TMCC1: variants seen among roughly 807,000 people sequenced by gnomAD.
TMCC1 encodes transmembrane and coiled-coil domains protein 1.
Under a neutral mutation model 52.4 loss-of-function variants are expected in TMCC1, and 15 were observed. The ratio of observed to expected loss-of-function variants is 0.29; its 90% confidence interval spans 0.19 to 0.44. The LOEUF (loss-of-function observed/expected upper bound fraction) is 0.44. TMCC1 is among the 20% of genes least tolerant of loss of function. The pLI is 1.00. For synonymous variants in TMCC1, 279 were observed against 301.9 expected, an observed-to-expected ratio of 0.92 and a Z score of 0.79; for missense variants, 503 against 806.0, an observed-to-expected ratio of 0.62 and a Z score of 4.55.
intron 4 of TMCC1, among the ~76,000 whole-genome samples, chr3:129,790,561 C>T (rs1216678941): frequency 6.6e-6 from 1 of 152,054 alleles, no homozygotes; most frequent in African/African-American, 2.4e-5. Flanking sequence ...GTTCCCCTAC[C>T]CTTTATCATA....
At chr3:129,873,046 A>AC (rs914296128) in intron 2 of TMCC1, among the ~76,000 whole-genome samples, 3 of 151,030 alleles carry the variant, frequency 2.0e-5, no homozygotes, top group Non-Finnish European at 2.9e-5. Flanking sequence ...GATTACAGGC[A>AC]CCCCCCACCA....
At chr3:129,714,178 CAA>C (rs1415165087) in intron 4 of TMCC1, among the ~76,000 whole-genome samples, 1 of 152,164 alleles carries the variant, frequency 6.6e-6, no homozygotes, top group African/African-American at 2.4e-5. Flanking sequence ...GGCATGAAAA[CAA>C]ATTCTTTCCA....
At chr3:129,714,124 G>C (rs753641505) in intron 4 of TMCC1, among the ~76,000 whole-genome samples, 76 of 152,178 alleles carry the variant, frequency 5.0e-4, no homozygotes, top group Non-Finnish European at 2.1e-4. Context: ...CTTTGGGGAG[G>C]GGGTGAGGGA....
At chr3:129,706,858 C>T (rs993565560) in intron 4 of TMCC1, among the ~76,000 whole-genome samples, 2 of 151,960 alleles carry the variant, frequency 1.3e-5, no homozygotes, top group Admixed American at 6.6e-5. Flanking sequence ...AGTGCAATGG[C>T]TATTCACAGG....
intron 4 of TMCC1, among the ~76,000 whole-genome samples, chr3:129,827,354 C>T (rs784688): frequency 0.87 from 131,882 of 152,248 alleles, 57,812 homozygotes; most frequent in East Asian, 1. Flanking sequence ...TGCTGATGTA[C>T]TACAAAGTAT....
rs149695774 is a variant in TMCC1, at chr3:129,826,335, C to T, written c.576+1468G>A. 1.2e-3 allele frequency among the ~76,000 whole-genome samples: 156 copies of T among 134,484 alleles called. 1 individual carries two copies. The East Asian group carries it at 0.035, about 30-fold the overall frequency. 88.2% of individuals were successfully genotyped at this position (134,484 alleles called of 152,430 possible). A position where few individuals can be genotyped will look rare whatever the true frequency, so the allele number is the denominator to read the frequency against. On this transcript the variant is annotated intron_variant, in intron 4 of 6. Transcript: ENST00000393238. ...TGGGCAACAAGGCAAAATCTCCTCT[C>T]TACAAAAAAAAAAAAAAAAAAATTG... is the stretch of plus-strand genomic sequence containing the variant.
rs1366169520 is a variant in TMCC1 at position 129,804,699 on chromosome 3, A to G, written c.576+23104T>C. Among the ~76,000 whole-genome samples the G allele has an allele frequency of 2.6e-5, 4 of 152,240 alleles. No homozygotes were observed. The East Asian group carries it at 5.8e-4, about 22-fold the overall frequency. ...TAGTATTCAGATTTGTGGGCACGGT[A>G]TATCTAATTGTCACATCAATGAATT... On this transcript the variant is annotated intron_variant, in intron 4 of 6. Transcript: ENST00000393238.
intron 4 of TMCC1, among the ~76,000 whole-genome samples, chr3:129,775,239 G>A (rs1016773249): frequency 6.6e-6 from 1 of 152,144 alleles, no homozygotes; most frequent in Non-Finnish European, 1.5e-5. Context: ...GAGCCCGCAA[G>A]TTCGAGACCT....
At chr3:129,684,718 G>C (rs138095275) in intron 4 of TMCC1, among the ~76,000 whole-genome samples, 2,195 of 152,236 alleles carry the variant, frequency 0.014, 57 homozygotes, top group African/African-American at 0.05. Context: ...ATGATAAAAG[G>C]GACGGATTCA....
At chr3:129,860,780 A>G (rs2060354649) in intron 2 of TMCC1, among the ~76,000 whole-genome samples, 1 of 151,972 alleles carries the variant, frequency 6.6e-6, no homozygotes, top group Admixed American at 6.6e-5. Context: ...TTGTATTTTT[A>G]GTAGAGATGG....
intron 2 of TMCC1, among the ~76,000 whole-genome samples, chr3:129,835,137 G>A (rs1310440966): frequency 1.3e-5 from 2 of 152,170 alleles, no homozygotes; most frequent in South Asian, 4.1e-4. Flanking sequence ...CAATAAAATG[G>A]AAACGTTTTA....
chr3:129,742,336 C>T (rs560564870), intron 4 of TMCC1, among the ~76,000 whole-genome samples: 2 of 152,182 alleles, frequency 1.3e-5, no homozygotes, highest in South Asian at 4.1e-4. Context: ...TGATAAGGAA[C>T]TTGTACACAG....
In TMCC1 at chr3:129,651,187, G is replaced by A. The variant is rs1407795808; in HGVS notation, c.*294C>T. 8.8e-6 allele frequency: 3 copies of A among 340,934 alleles called. No homozygotes were observed. Among genetic ancestry groups the A allele is most frequent in the Admixed American group, 8.8e-5 (2 of 22,740 alleles). The allele number at this position is 340,934 out of a possible 1,614,324, so 21.1% of individuals were successfully genotyped here. A position where few individuals can be genotyped will look rare whatever the true frequency, so the allele number is the denominator to read the frequency against. ...CAAGCCACAATTTAGATTGCCCTTC[G>A]GTGTGCTCCAGATTGTTGGTTCATA... On this transcript the variant is annotated 3_prime_UTR_variant, in exon 7 of 7. Coordinates refer to ENST00000393238, the MANE Select transcript of TMCC1 (RefSeq NM_001017395.5). This position sits in a 1 kb window ranked among gnomAD's most constrained non-coding sequence, Gnocchi z 5.1.
intron 4 of TMCC1, among the ~76,000 whole-genome samples, chr3:129,736,008 TAAGTA>T (rs1401418950): frequency 1.3e-5 from 2 of 152,218 alleles, no homozygotes; most frequent in Admixed American, 6.5e-5. Flanking sequence ...CTGTAGACCT[TAAGTA>T]ATGTACTTTG....
intron 4 of TMCC1, among the ~76,000 whole-genome samples, chr3:129,766,207 CT>C (rs1274140976): frequency 6.6e-6 from 1 of 152,190 alleles, no homozygotes; most frequent in East Asian, 1.9e-4. Context: ...AATTTCTCCC[CT>C]AATCCCTGTA....
At chr3:129,739,111 C>T (rs1302730076) in intron 4 of TMCC1, among the ~76,000 whole-genome samples, 1 of 152,114 alleles carries the variant, frequency 6.6e-6, no homozygotes, top group Non-Finnish European at 1.5e-5. Flanking sequence ...GCCACCATGC[C>T]CAGCCTAACT....
intron 4 of TMCC1, among the ~76,000 whole-genome samples, chr3:129,805,083 A>G (rs2057389230): frequency 6.6e-6 from 1 of 152,164 alleles, no homozygotes; most frequent in Non-Finnish European, 1.5e-5. Context: ...GGAGTTATAT[A>G]CCTTAAGCCA....
intron 1 of TMCC1, among the ~76,000 whole-genome samples, chr3:129,890,128 TA>T (rs1346950358): frequency 6.6e-6 from 1 of 151,750 alleles, no homozygotes; most frequent in African/African-American, 2.4e-5. Flanking sequence ...ATAATATCTT[TA>T]AAAAAAAGAA....
intron 4 of TMCC1, among the ~76,000 whole-genome samples, chr3:129,671,561 T>C (rs2087944824): frequency 6.6e-6 from 1 of 152,222 alleles, no homozygotes; most frequent in Admixed American, 6.5e-5. Context: ...CCTTAGTGGG[T>C]TTAAAGTATG....
Sources: gnomAD v4.1 joint callset for allele counts (sites outside exome capture counted in the v4.1 genomes callset) on GRCh38, gnomAD v4.1.1 for gene constraint, Gnocchi (gnomAD v3.1) non-coding constraint, MANE v1.5 for transcripts, NCBI Gene and HGNC (gene_info 2026-07-23, HGNC 2026-07-21) for gene names.